ASIC2: variants seen among roughly 807,000 people sequenced by gnomAD.
ASIC2 encodes acid-sensing ion channel 2.
ASIC2 carries 25 observed loss-of-function variants against 57.3 expected under a neutral mutation model. That is an observed-to-expected ratio of 0.44 (90% CI 0.32 to 0.61). ASIC2 has a LOEUF of 0.61. ASIC2 is among the 20% of genes least tolerant of loss of function. ASIC2 has a pLI of 0.06. For missense variants in ASIC2, 641 were observed against 738.1 expected, an observed-to-expected ratio of 0.87 and a Z score of 1.52; for synonymous variants, 319 against 307.5, an observed-to-expected ratio of 1.04 and a Z score of -0.39.
intron 1 of ASIC2, among the ~76,000 whole-genome samples, chr17:33,544,284 C>T (rs1268951672): frequency 6.6e-6 from 1 of 152,198 alleles, no homozygotes; most frequent in Non-Finnish European, 1.5e-5. Context: ...TTCGTCCACG[C>T]ACCAGCTGAT....
chr17:34,034,811 T>A (rs1304547570), intron 1 of ASIC2, among the ~76,000 whole-genome samples: 3 of 152,184 alleles, frequency 2.0e-5, no homozygotes, highest in Admixed American at 2.0e-4. Flanking sequence ...ATAAGGGATG[T>A]GAAGGACCTC....
Position 33,663,019 on chromosome 17 carries a change from G to C in ASIC2, c.555+492959C>G, listed in dbSNP as rs548890922. The stretch of plus-strand genomic sequence containing the variant: ...TGCTGACTCTTGTTAGGTGACACCA[G>C]GCAACAGGTCTCCACACGCACTCGC... On this transcript the variant is annotated intron_variant, in intron 1 of 9. Transcript: ENST00000359872. 2.6e-5 allele frequency among the ~76,000 whole-genome samples: 4 copies of C among 152,286 alleles called. No individual in the cohort carries two copies. The East Asian group carries it at 7.7e-4, about 29-fold the overall frequency.
intron 1 of ASIC2, among the ~76,000 whole-genome samples, chr17:33,769,361 C>A (rs1357825216): frequency 6.6e-6 from 1 of 152,212 alleles, no homozygotes; most frequent in Non-Finnish European, 1.5e-5. Context: ...GAGCAGCCAA[C>A]TAGATCCCAC....
At chr17:34,144,547 C>T (rs1188210864) in intron 1 of ASIC2, among the ~76,000 whole-genome samples, 1 of 152,210 alleles carries the variant, frequency 6.6e-6, no homozygotes, top group Non-Finnish European at 1.5e-5. Flanking sequence ...AAACAGCTGA[C>T]ATTCCACATC....
At chr17:33,827,349 T>TTTTTTTTTTTTTTTTTTTTTTTTTTTTTA (rs1912957675) in intron 1 of ASIC2, among the ~76,000 whole-genome samples, 1 of 138,094 alleles carries the variant, frequency 7.2e-6, no homozygotes, top group African/African-American at 2.7e-5. Context: ...TTTTTTTTTT[T>TTTTTTTTTTTTTTTTTTTTTTTTTTTTTA]GAGACAGAGT....
In ASIC2 at chr17:33,935,041, C is replaced by T. The variant is rs141505527; in HGVS notation, c.555+220937G>A. On this transcript the variant is annotated intron_variant, in intron 1 of 9. Transcript: ENST00000359872. Reference sequence around the variant, plus strand: ...GCTGGCTGTCTAGGGCCCTGGGCAGCCTGTCCAGCACCATCCCTGTGAGCC... The same window carrying T: ...GCTGGCTGTCTAGGGCCCTGGGCAGTCTGTCCAGCACCATCCCTGTGAGCC... 2.0e-4 allele frequency among the ~76,000 whole-genome samples: 30 copies of T among 152,348 alleles called. No individual in the cohort carries two copies. In the East Asian group the frequency reaches 5.4e-3, roughly 28 times the overall value.
intron 1 of ASIC2, among the ~76,000 whole-genome samples, chr17:33,904,300 C>T (rs1481056648): frequency 6.6e-6 from 1 of 151,968 alleles, no homozygotes; most frequent in Non-Finnish European, 1.5e-5. Context: ...GAGTCTGAGG[C>T]CTCATCCCAG....
intron 3 of ASIC2, among the ~76,000 whole-genome samples, chr17:33,038,819 G>T (rs2091919616): frequency 6.6e-6 from 1 of 152,162 alleles, no homozygotes; most frequent in African/African-American, 2.4e-5. Flanking sequence ...GATTTTTCCA[G>T]CCTCTCCCAG....
intron 9 of ASIC2, among the ~76,000 whole-genome samples, chr17:33,014,596 C>T (rs1040290830): frequency 4.6e-5 from 7 of 152,008 alleles, no homozygotes; most frequent in Admixed American, 2.6e-4. Context: ...GGTCCCTAAG[C>T]GGGGAGGGGC....
intron 2 of ASIC2, among the ~76,000 whole-genome samples, chr17:33,104,342 T>A (rs981836950): frequency 3.9e-5 from 6 of 152,222 alleles, no homozygotes; most frequent in Middle Eastern, 3.2e-3. Context: ...AGAAAGGTCA[T>A]GAGCTTCTTT....
At chr17:33,280,115 G>A (rs558390654) in intron 1 of ASIC2, among the ~76,000 whole-genome samples, 16 of 152,072 alleles carry the variant, frequency 1.1e-4, no homozygotes, top group South Asian at 8.3e-4. Flanking sequence ...CCCCATTTTC[G>A]TCTTTCCCCA....
intron 1 of ASIC2, among the ~76,000 whole-genome samples, chr17:33,498,091 T>C (rs184282547): frequency 1.3e-5 from 2 of 152,310 alleles, no homozygotes; most frequent in East Asian, 3.9e-4. Context: ...CACAAAGCAC[T>C]TCTGGAAATG....
chr17:33,730,017 C>T (rs1461153302), intron 1 of ASIC2, among the ~76,000 whole-genome samples: 1 of 152,150 alleles, frequency 6.6e-6, no homozygotes, highest in Non-Finnish European at 1.5e-5. Flanking sequence ...TGGGATATTT[C>T]ATTTTAATTA....
chr17:33,369,504 G>C (rs1326997334), intron 1 of ASIC2, among the ~76,000 whole-genome samples: 1 of 152,120 alleles, frequency 6.6e-6, no homozygotes, highest in Non-Finnish European at 1.5e-5. Context: ...CTCCTTCCAG[G>C]ACTGCCATGA....
intron 3 of ASIC2, among the ~76,000 whole-genome samples, chr17:33,079,858 G>A (rs1488223521): frequency 1.3e-5 from 2 of 152,160 alleles, no homozygotes; most frequent in Non-Finnish European, 2.9e-5. Flanking sequence ...AAGAGAATGA[G>A]GAACAAGGTT....
At chr17:33,305,864 AT>A (rs1296045013) in intron 1 of ASIC2, among the ~76,000 whole-genome samples, 1 of 152,150 alleles carries the variant, frequency 6.6e-6, no homozygotes, top group African/African-American at 2.4e-5. Context: ...CTGAACAACA[AT>A]TTCATTCTCT....
chr17:33,018,370 T>C (rs1314322610), intron 7 of ASIC2, among the ~76,000 whole-genome samples: 2 of 152,134 alleles, frequency 1.3e-5, no homozygotes, highest in Non-Finnish European at 2.9e-5. Context: ...GCCTCTGCGG[T>C]TGGGGTCTGG....
At chr17:33,038,791 T>C (rs548354694) in intron 3 of ASIC2, among the ~76,000 whole-genome samples, 1 of 152,326 alleles carries the variant, frequency 6.6e-6, no homozygotes, top group Admixed American at 6.5e-5. Flanking sequence ...GACATCCTTA[T>C]GTTGTTCTTC....
chr17:34,156,515 G>A lies in ASIC2; in HGVS notation c.18C>T (p.Ser6=), dbSNP rs1221660771. The A allele has an allele frequency of 1.3e-6, 2 of 1,598,020 alleles. No homozygotes were observed. The highest frequency in any genetic ancestry group is 1.7e-6 in the Non-Finnish European group (2 of 1,168,882). ...AAGGTTGCAGGCTGCCCTCACTGGG[G>A]CTTTCCTTGAGGTCCATCGGGACCC... Residue 6 remains serine (S), a synonymous_variant, in exon 1 of 10, where the codon AGC becomes AGT. Coordinates refer to the ASIC2 transcript ENST00000359872. This position sits in a 1 kb window ranked among gnomAD's most constrained non-coding sequence, Gnocchi z 4.4.
Sources: gnomAD v4.1 joint callset for allele counts (sites outside exome capture counted in the v4.1 genomes callset) on GRCh38, gnomAD v4.1.1 for gene constraint, Gnocchi (gnomAD v3.1) non-coding constraint, MANE v1.5 for transcripts, NCBI Gene and HGNC (gene_info 2026-07-23, HGNC 2026-07-21) for gene names.